Variants in CIB2 observed in about 807,000 individuals in gnomAD.
The protein encoded by CIB2 is calcium and integrin binding family member 2.
Under a neutral mutation model 23.1 loss-of-function variants are expected in CIB2, and 19 were observed. The ratio of observed to expected loss-of-function variants is 0.82; its 90% CI spans 0.57 to 1.21. The LOEUF is 1.21. Ranked by LOEUF, CIB2 falls within the 50% of genes most tolerant of loss-of-function variation. The pLI, the probability that CIB2 is intolerant of heterozygous loss-of-function variation, is 0.00. For missense variants in CIB2, 220 were observed against 241.5 expected (o/e 0.91, Z 0.59); for synonymous variants, 94 against 91.7 (o/e 1.03, Z -0.14).
At chr15:78,115,218 C>G (rs1001286783) in intron 2 of CIB2, among the ~76,000 whole-genome samples, 1 of 152,096 alleles carries the variant, frequency 6.6e-6, no homozygotes, top group African/African-American at 2.4e-5. Context: ...GTTATTTCAC[C>G]TACTTCTCAA....
intron 3 of CIB2, among the ~76,000 whole-genome samples, chr15:78,110,278 G>A (rs1022130233): frequency 1.3e-5 from 2 of 152,224 alleles, no homozygotes; most frequent in African/African-American, 4.8e-5. Context: ...CAGTGCGGGA[G>A]GCTCAGAGAC....
chr15:78,111,993 C>G (rs1357197864), intron 2 of CIB2, among the ~76,000 whole-genome samples: 1 of 152,118 alleles, frequency 6.6e-6, no homozygotes, highest in Non-Finnish European at 1.5e-5. Flanking sequence ...TGGGGGCCAT[C>G]GGGACCCAGG....
At chr15:78,123,619 G>A in intron 2 of CIB2, 86 bp downstream of exon 2, 1 of 1,394,780 alleles carries the variant, frequency 7.2e-7, no homozygotes, top group Middle Eastern at 1.9e-4. Flanking sequence ...TCAGCCCCAG[G>A]AGCACAGCCA....
chr15:78,107,032 T>C (rs544438491), intron 4 of CIB2, among the ~76,000 whole-genome samples: 1 of 150,610 alleles, frequency 6.6e-6, no homozygotes, highest in African/African-American at 2.4e-5. Context: ...ATTGAGACCA[T>C]CCTGGCTAAC....
intron 1 of CIB2, 86 bp from the exon 2 acceptor site, chr15:78,123,825 G>C: frequency 6.8e-7 from 1 of 1,472,314 alleles, no homozygotes. Context: ...AGGGCTCACA[G>C]GGGATAGCTC....
chr15:78,126,438 A>G (rs117576823), intron 1 of CIB2, among the ~76,000 whole-genome samples: 3,462 of 152,180 alleles, frequency 0.023, 86 homozygotes, highest in East Asian at 0.15. Context: ...GCTACCACGC[A>G]TAGCCTTCTT....
chr15:78,125,355 G>A (rs2074368274), intron 1 of CIB2, among the ~76,000 whole-genome samples: 2 of 152,174 alleles, frequency 1.3e-5, no homozygotes, highest in Admixed American at 6.5e-5. Context: ...TAGCCTGGAG[G>A]AGGCAGTCAG....
At chr15:78,118,459 C>T (rs541169219) in intron 2 of CIB2, among the ~76,000 whole-genome samples, 155 of 151,988 alleles carry the variant, frequency 1.0e-3, no homozygotes, top group African/African-American at 3.5e-3. Flanking sequence ...CCTGGTGGCG[C>T]GTGCCTATAA....
chr15:78,127,714 C>T (rs1157179496), intron 1 of CIB2, among the ~76,000 whole-genome samples: 1 of 152,202 alleles, frequency 6.6e-6, no homozygotes, highest in Non-Finnish European at 1.5e-5. Context: ...TGGGCCCTCC[C>T]AGCTCTAATG....
intron 4 of CIB2, among the ~76,000 whole-genome samples, chr15:78,106,376 C>T (rs1322184207): frequency 6.6e-6 from 1 of 152,160 alleles, no homozygotes; most frequent in East Asian, 1.9e-4. Context: ...CTGACTAGGG[C>T]CTATGGGACT....
rs60332437 is a variant in CIB2, at chr15:78,117,246, C to CAAAAAAAAAAAAAAAAAAAAAAAAAA, written c.87-5996_87-5971dup. Among the ~76,000 whole-genome samples the CAAAAAAAAAAAAAAAAAAAAAAAAAA allele has an allele frequency of 3.4e-4, 19 of 55,478 alleles. 6 individuals are homozygous for CAAAAAAAAAAAAAAAAAAAAAAAAAA. The highest frequency in any genetic ancestry group is 8.0e-4 in the African/African-American group (9 of 11,216). 36.4% of individuals were successfully genotyped at this position (55,478 alleles called of 152,430 possible). On this transcript the variant is annotated intron_variant, in intron 2 of 5. Transcript: ENST00000258930. ...GTTAAGTGTTTCTTCAAGCTACTGG[C>CAAAAAAAAAAAAAAAAAAAAAAAAAA]AAAAAAAAAAAAAAAAAAAAAAAAA...
intron 4 of CIB2, among the ~76,000 whole-genome samples, chr15:78,107,825 G>A (rs1327956895): frequency 2.0e-5 from 3 of 152,226 alleles, no homozygotes; most frequent in East Asian, 1.9e-4. Context: ...CAAGCAAAAC[G>A]TGGGTGCACA....
chr15:78,120,661 C>G (rs1206358216), intron 2 of CIB2: 3 of 985,020 alleles, frequency 3.0e-6, no homozygotes, highest in South Asian at 9.4e-5. Flanking sequence ...ATCGGATCTA[C>G]CTGGGTGGGG....
chr15:78,129,893 G>A, intron 1 of CIB2, among the ~76,000 whole-genome samples: 1 of 152,182 alleles, frequency 6.6e-6, no homozygotes, highest in East Asian at 1.9e-4. Context: ...GATGCGTAGA[G>A]GGCATCAATT....
chr15:78,105,526 C>T, intron 5 of CIB2, 194 bp from the exon 6 acceptor site: 1 of 1,482,970 alleles, frequency 6.7e-7, no homozygotes, highest in African/African-American at 1.4e-5. Flanking sequence ...TCTGCCCCCA[C>T]TTATCACTGA....
rs183118676 is a variant in CIB2, at chr15:78,118,993, C to A, written c.86+4712G>T. Among the ~76,000 whole-genome samples, 637 of 152,208 alleles carry A rather than the reference C, an allele frequency of 4.2e-3. 1 individual carries two copies. Among genetic ancestry groups the A allele is most frequent in the Non-Finnish European group, 6.7e-3 (455 of 68,018 alleles). On this transcript the variant is annotated intron_variant, in intron 2 of 5. Transcript: ENST00000258930. ...GTCAGGAGTTCGAGATCAGCTTGGC[C>A]AACAAGGTGAACCCCATCTCTACTA...
At chr15:78,105,411 A>G in intron 5 of CIB2, 79 bp from the exon 6 acceptor site, 2 of 1,602,330 alleles carry the variant, frequency 1.2e-6, no homozygotes, top group Admixed American at 3.4e-5. Flanking sequence ...AAAGCACAGC[A>G]GGCCCCAGCC....
rs1425021799 is a variant in CIB2, at chr15:78,131,118, G to T, written c.51+47C>A. The T allele has an allele frequency of 6.6e-7, 1 of 1,510,640 alleles. No homozygotes were observed. The highest frequency in any genetic ancestry group is 8.9e-7 in the Non-Finnish European group (1 of 1,119,264). 93.6% of individuals were successfully genotyped at this position (1,510,640 alleles called of 1,614,324 possible). A position where few individuals can be genotyped will look rare whatever the true frequency, so the allele number is the denominator to read the frequency against. On this transcript the variant is annotated intron_variant, in intron 1 of 5. Coordinates refer to ENST00000258930, the MANE Select transcript of CIB2 (RefSeq NM_006383.4). This position sits in a 1 kb window ranked among gnomAD's most constrained non-coding sequence, Gnocchi z 5.8. ...CCAGCGACCGAGAAAAGGGAGGGGC[G>T]GCGGGGCGGCGGGGCCTGTGTTGGG...
chr15:78,113,146 C>A (rs1238376987), intron 2 of CIB2, among the ~76,000 whole-genome samples: 1 of 152,134 alleles, frequency 6.6e-6, no homozygotes, highest in Non-Finnish European at 1.5e-5. Context: ...TGGACACCAA[C>A]CACTTGGCTC....
Sources: gnomAD v4.1 joint callset for allele counts (sites outside exome capture counted in the v4.1 genomes callset) on GRCh38, gnomAD v4.1.1 for gene constraint, Gnocchi (gnomAD v3.1) non-coding constraint, MANE v1.5 for transcripts, NCBI Gene and HGNC (gene_info 2026-07-23, HGNC 2026-07-21) for gene names.